The following CCDC171 variants were observed in gnomAD, a reference collection of about 807,000 sequenced individuals.
CCDC171 encodes coiled-coil domain containing 171.
A neutral mutation model predicts 168.2 loss-of-function variants in CCDC171; 177 were observed. That is an observed-to-expected ratio of 1.05 (90% CI 0.93 to 1.19). The LOEUF (loss-of-function observed/expected upper bound fraction) is 1.19, where lower values mean the gene tolerates loss of function less well. Ranked by LOEUF, CCDC171 falls within the 50% of genes most tolerant of loss-of-function variation. The pLI is 0.00. For missense variants in CCDC171, 1,991 were observed against 1,539.0 expected (o/e 1.29, Z -4.91); for synonymous variants, 687 against 540.8 (o/e 1.27, Z -3.75).
intron 3 of CCDC171, among the ~76,000 whole-genome samples, chr9:15,577,538 A>C (rs1231151421): frequency 6.6e-6 from 1 of 152,198 alleles, no homozygotes; most frequent in African/African-American, 2.4e-5. Flanking sequence ...TTCAGGCTTA[A>C]ATATATTAGC....
At chr9:15,796,827 C>T (rs1420545648) in intron 21 of CCDC171, among the ~76,000 whole-genome samples, 1 of 152,180 alleles carries the variant, frequency 6.6e-6, no homozygotes, top group Non-Finnish European at 1.5e-5. Context: ...GTACAGCCTA[C>T]AGCCTACAGG....
Position 15,669,025 on chromosome 9 carries a change from A to T in CCDC171, c.1076+2702A>T, listed in dbSNP as rs112188987. Among the ~76,000 whole-genome samples the T allele has an allele frequency of 3.3e-5, 5 of 152,250 alleles. 1 individual carries two copies. Among genetic ancestry groups the T allele is most frequent in the African/African-American group, 1.2e-4 (5 of 41,568 alleles). ...TTTACCTGTTGTGAACTGACGTAGC[A>T]GTTTATCATGCTTGAACCTGCCATT... On this transcript the variant is annotated intron_variant, in intron 9 of 25. Transcript: ENST00000380701.
chr9:15,901,544 T>A (rs1487395417), intron 24 of CCDC171, among the ~76,000 whole-genome samples: 1 of 152,194 alleles, frequency 6.6e-6, no homozygotes, highest in African/African-American at 2.4e-5. Flanking sequence ...TACCATAAAA[T>A]CTATCTGTGG....
chr9:15,861,705 CA>C (rs1161579948), intron 23 of CCDC171, among the ~76,000 whole-genome samples: 1 of 138,184 alleles, frequency 7.2e-6, no homozygotes, highest in East Asian at 2.2e-4. Flanking sequence ...TTCATTCATT[CA>C]CATATTTTTT....
chr9:15,748,730 T>A (rs1004749445), intron 18 of CCDC171, among the ~76,000 whole-genome samples: 1 of 152,152 alleles, frequency 6.6e-6, no homozygotes, highest in Non-Finnish European at 1.5e-5. Context: ...ACTATGCTTC[T>A]TAAGTGAAGG....
intron 9 of CCDC171, among the ~76,000 whole-genome samples, chr9:15,666,602 C>G (rs924195826): frequency 6.6e-6 from 1 of 151,932 alleles, no homozygotes; most frequent in African/African-American, 2.4e-5. Context: ...AGTGATGTAA[C>G]GCAATATCTT....
intron 21 of CCDC171, among the ~76,000 whole-genome samples, chr9:15,836,023 C>T (rs563669834): frequency 6.6e-6 from 1 of 152,230 alleles, no homozygotes; most frequent in African/African-American, 2.4e-5. Context: ...AGATGACTTG[C>T]TGTGATTTTA....
At chr9:15,649,609 A>C (rs1162246149) in intron 7 of CCDC171, among the ~76,000 whole-genome samples, 1 of 152,236 alleles carries the variant, frequency 6.6e-6, no homozygotes, top group African/African-American at 2.4e-5. Context: ...GACACTTCTC[A>C]AAAGAAGACA....
At chr9:15,932,239 T>C (rs1826617382) in intron 25 of CCDC171, among the ~76,000 whole-genome samples, 1 of 152,016 alleles carries the variant, frequency 6.6e-6, no homozygotes, top group South Asian at 2.1e-4. Flanking sequence ...TTCCAATCCA[T>C]GAACATGGGA....
intron 1 of CCDC171, among the ~76,000 whole-genome samples, chr9:15,555,974 G>A (rs190910838): frequency 5.9e-5 from 9 of 152,156 alleles, no homozygotes; most frequent in Admixed American, 5.2e-4. Flanking sequence ...CAGAATGATG[G>A]TTTCTAGCTT....
In CCDC171 at chr9:15,632,094, C is replaced by G. The variant is rs1333022486; in HGVS notation, c.822+8681C>G. Among the ~76,000 whole-genome samples the G allele has an allele frequency of 3.9e-5, 6 of 152,056 alleles. No homozygotes were observed. The East Asian group carries it at 1.2e-3, about 30-fold the overall frequency. On this transcript the variant is annotated intron_variant, in intron 7 of 25. Coordinates refer to ENST00000380701, the MANE Select transcript of CCDC171 (RefSeq NM_173550.4). ...AAATGGGCAAAAACTGGAAGCATTC[C>G]CTTTGAAAACTGGCCCAAGACAGGG... is the stretch of plus-strand genomic sequence containing the variant.
chr9:16,004,352 T>C (rs961639216), intron 3 of CCDC171, among the ~76,000 whole-genome samples: 2 of 152,136 alleles, frequency 1.3e-5, no homozygotes, highest in African/African-American at 4.8e-5. Context: ...GAAAGATGAT[T>C]TTTTTGACTT....
chr9:15,624,460 C>T (rs2044862212), intron 7 of CCDC171, among the ~76,000 whole-genome samples: 2 of 152,060 alleles, frequency 1.3e-5, no homozygotes, highest in Admixed American at 1.3e-4. Context: ...CTATCCCTCC[C>T]CACTCCCCCA....
intron 7 of CCDC171, among the ~76,000 whole-genome samples, chr9:15,642,416 G>T (rs139144373): frequency 0.015 from 2,080 of 138,698 alleles, 20 homozygotes; most frequent in Middle Eastern, 0.058. Context: ...TCCGCTTTCT[G>T]CCCTTTCTTT....
intron 25 of CCDC171, among the ~76,000 whole-genome samples, chr9:15,968,471 C>T (rs557836867): frequency 8.0e-4 from 121 of 151,386 alleles, no homozygotes; most frequent in Admixed American, 2.6e-3. Context: ...CAAGAAAAAC[C>T]GGTCATATTT....
chr9:15,634,850 A>C (rs2046076719), intron 7 of CCDC171, among the ~76,000 whole-genome samples: 1 of 152,146 alleles, frequency 6.6e-6, no homozygotes. Context: ...TTCTGTCTTT[A>C]TAGATTTGCC....
intron 16 of CCDC171, among the ~76,000 whole-genome samples, chr9:15,739,541 A>G (rs1348520927): frequency 6.6e-6 from 1 of 152,162 alleles, no homozygotes; most frequent in East Asian, 1.9e-4. Context: ...AACTGTGCCA[A>G]CCTCATAGTT....
the CCDC171 span, among the ~76,000 whole-genome samples, chr9:16,090,197 A>T: frequency 2.0e-5 from 3 of 152,250 alleles, no homozygotes; most frequent in African/African-American, 7.2e-5. Context: ...TAGAATGGAT[A>T]AAGAAAATGT....
At chr9:15,729,329 A>G (rs1041242174) in intron 15 of CCDC171, among the ~76,000 whole-genome samples, 2 of 152,250 alleles carry the variant, frequency 1.3e-5, no homozygotes, top group East Asian at 3.9e-4. Context: ...ATCTTTCTCA[A>G]TCTCAATCAA....
Sources: allele counts gnomAD v4.1 joint callset (sites outside exome capture counted in the v4.1 genomes callset), GRCh38; gene constraint gnomAD v4.1.1; transcripts MANE v1.5; gene names NCBI Gene and HGNC (gene_info 2026-07-23, HGNC 2026-07-21).